Variants in KLHL6 observed in about 807,000 individuals in gnomAD.
KLHL6 encodes kelch-like protein 6.
KLHL6 carries 41 observed loss-of-function variants against 58.6 expected under a neutral mutation model. The ratio of observed to expected loss-of-function variants is 0.70; its 90% CI spans 0.55 to 0.91. The LOEUF (loss-of-function observed/expected upper bound fraction) is 0.91, where lower values mean the gene tolerates loss of function less well. Ranked by LOEUF, KLHL6 falls within the 40% of genes least tolerant of loss-of-function variation. The pLI is 0.00. For missense variants in KLHL6, 714 were observed against 805.6 expected (o/e 0.89, Z 1.38); for synonymous variants, 338 against 322.7 (o/e 1.05, Z -0.51).
Position 183,512,307 on chromosome 3 carries a change from G to A in KLHL6, c.460-3799C>T, listed in dbSNP as rs188121230. ...TTTCTAGGAACTTAGACTACTCTGG[G>A]AGGCCACATAAGACCTGATAACAGT... On this transcript the variant is annotated intron_variant, in intron 2 of 6. Coordinates refer to ENST00000341319, the MANE Select transcript of KLHL6 (RefSeq NM_130446.4). Among the ~76,000 whole-genome samples, 946 of 152,302 alleles carry A rather than the reference G, an allele frequency of 6.2e-3. 3 individuals are homozygous for A. Among genetic ancestry groups the A allele is most frequent in the Non-Finnish European group, 9.9e-3 (673 of 68,028 alleles).
intron 2 of KLHL6, among the ~76,000 whole-genome samples, chr3:183,516,777 T>C (rs1401242741): frequency 1.3e-5 from 2 of 152,248 alleles, no homozygotes; most frequent in Non-Finnish European, 2.9e-5. Context: ...CCAAGTGGCT[T>C]TGGCGTTATT....
At chr3:183,503,075 A>T (rs1393605890) in intron 3 of KLHL6, among the ~76,000 whole-genome samples, 1 of 152,248 alleles carries the variant, frequency 6.6e-6, no homozygotes, top group African/African-American at 2.4e-5. Context: ...TTGCAGACAT[A>T]TGGAAGTGTT....
chr3:183,514,152 T>C (rs924109108), intron 2 of KLHL6, among the ~76,000 whole-genome samples: 30 of 152,340 alleles, frequency 2.0e-4, no homozygotes, highest in Admixed American at 1.6e-3. Flanking sequence ...CCTGCGCTCA[T>C]TGAAGCCGAC....
intron 1 of KLHL6, among the ~76,000 whole-genome samples, chr3:183,534,950 A>ATATT (rs1356557331): frequency 3.1e-5 from 3 of 96,756 alleles, no homozygotes; most frequent in African/African-American, 6.1e-5. Flanking sequence ...ATATATATAT[A>ATATT]TTTTTTTTTT....
intron 1 of KLHL6, among the ~76,000 whole-genome samples, chr3:183,533,561 G>A (rs975502080): frequency 7.2e-5 from 11 of 151,910 alleles, no homozygotes; most frequent in African/African-American, 2.7e-4. Context: ...ATGAGCCTCC[G>A]TGCCTGGCCA....
intron 4 of KLHL6, among the ~76,000 whole-genome samples, chr3:183,498,607 T>C (rs555549041): frequency 1.3e-5 from 2 of 152,236 alleles, no homozygotes; most frequent in East Asian, 3.9e-4. Context: ...CCTTGCAGAG[T>C]TGATGTGAGA....
In KLHL6 at chr3:183,527,846, TG is replaced by T; in HGVS notation, c.457del (p.Gln153SerfsTer17). 6.2e-7 allele frequency: 1 copy of T among 1,613,908 alleles called. No individual in the cohort carries two copies. The highest frequency in any genetic ancestry group is 1.3e-5 in the African/African-American group (1 of 74,988). The part of the protein sequence containing the change: ...QRVLEAANLF[Q>X]FLRMVDACAS... ...CACTGAGCCAGTTTGTTCACACACC[TG>T]GAAGAGGTTAGCAGCCTCCAGGACC... On this transcript the variant is annotated frameshift_variant and splice_region_variant, in exon 2 of 7. Transcript: ENST00000341319. LOFTEE classifies it high-confidence loss of function.
intron 1 of KLHL6, among the ~76,000 whole-genome samples, chr3:183,530,478 G>A (rs908914528): frequency 9.2e-5 from 14 of 152,308 alleles, no homozygotes; most frequent in Admixed American, 4.6e-4. Flanking sequence ...CTGCGGATAC[G>A]TCTGAGCAAA....
intron 1 of KLHL6, among the ~76,000 whole-genome samples, chr3:183,552,985 A>G (rs760421848): frequency 7.2e-5 from 11 of 152,138 alleles, no homozygotes; most frequent in Non-Finnish European, 1.5e-4. Context: ...GGACTAGAGT[A>G]TGTGATACAG....
intron 1 of KLHL6, among the ~76,000 whole-genome samples, chr3:183,528,820 T>C (rs1712063292): frequency 6.6e-6 from 1 of 152,184 alleles, no homozygotes; most frequent in African/African-American, 2.4e-5. Context: ...CAAAGGACTA[T>C]AAATCATTCT....
Position 183,487,824 on chromosome 3 carries a change from G to T in KLHL6, c.*4103C>A, listed in dbSNP as rs1288947873. 3 of 152,156 alleles carry T rather than the reference G, an allele frequency of 2.0e-5. No individual in the cohort carries two copies. The highest frequency in any genetic ancestry group is 4.4e-5 in the Non-Finnish European group (3 of 68,030). 9.4% of individuals were successfully genotyped at this position (152,156 alleles called of 1,614,324 possible). A position where few individuals can be genotyped will look rare whatever the true frequency, so the allele number is the denominator to read the frequency against. The stretch of plus-strand genomic sequence containing the variant: ...TTATGAGATCTAATACAACACCCAG[G>T]TATTAAGGGAAAAAATGATTTTGCA... On this transcript the variant is annotated 3_prime_UTR_variant, in exon 7 of 7. Coordinates refer to ENST00000341319, the MANE Select transcript of KLHL6 (RefSeq NM_130446.4).
chr3:183,509,704 G>A lies in KLHL6; in HGVS notation c.460-1196C>T, dbSNP rs192064661. Among the ~76,000 whole-genome samples, 4 of 152,290 alleles carry A rather than the reference G, an allele frequency of 2.6e-5. 1 individual carries two copies. The highest frequency in any genetic ancestry group is 7.2e-5 in the African/African-American group (3 of 41,564). ...GCAGAACCACACAGAGGCTTTTAAA[G>A]CTTCTGCTCAGAGGGGGCGCATGCT... On this transcript the variant is annotated intron_variant, in intron 2 of 6. Transcript: ENST00000341319.
intron 1 of KLHL6, among the ~76,000 whole-genome samples, chr3:183,536,948 A>C (rs1229977025): frequency 6.6e-6 from 1 of 152,142 alleles, no homozygotes; most frequent in Non-Finnish European, 1.5e-5. Flanking sequence ...AAGTGCCCTC[A>C]AGACAGTGTC....
chr3:183,544,760 A>G lies in KLHL6; in HGVS notation c.293+10601T>C, dbSNP rs1320222416. On this transcript the variant is annotated intron_variant, in intron 1 of 6. Transcript: ENST00000341319. ...CTCTCTGTCTCTCAAACACACACAC[A>G]CACACACACACACACACACACACAC... is the stretch of plus-strand genomic sequence containing the variant. 2.0e-5 allele frequency: 3 copies of G among 148,562 alleles called. No individual in the cohort carries two copies. In the Admixed American group the frequency reaches 2.0e-4, roughly 10 times the overall value. The allele number at this position is 148,562 out of a possible 1,614,324, so 9.2% of individuals were successfully genotyped here. A position where few individuals can be genotyped will look rare whatever the true frequency, so the allele number is the denominator to read the frequency against.
intron 1 of KLHL6, among the ~76,000 whole-genome samples, chr3:183,541,419 G>A (rs1334585085): frequency 2.0e-5 from 3 of 152,190 alleles, no homozygotes; most frequent in African/African-American, 7.2e-5. Flanking sequence ...GAGTGCACAG[G>A]CCAGGCTTGA....
chr3:183,533,761 C>G (rs367786084), intron 1 of KLHL6, among the ~76,000 whole-genome samples: 2 of 152,082 alleles, frequency 1.3e-5, no homozygotes, highest in Admixed American at 6.5e-5. Context: ...GATCGTCCCC[C>G]CTCTGTCCTT....
At chr3:183,509,288 C>A (rs7639910) in intron 2 of KLHL6, among the ~76,000 whole-genome samples, 11,576 of 152,066 alleles carry the variant, frequency 0.076, 1,195 homozygotes, top group African/African-American at 0.22. Flanking sequence ...TTTTAGGTGC[C>A]ATAATGGTTT....
intron 1 of KLHL6, among the ~76,000 whole-genome samples, chr3:183,551,481 G>C (rs1712914542): frequency 1.3e-5 from 2 of 152,196 alleles, no homozygotes; most frequent in African/African-American, 4.8e-5. Context: ...CTTCAGGAAA[G>C]ACAAAAGGTT....
chr3:183,499,959 C>T lies in KLHL6; in HGVS notation c.910-132G>A. ...GACCATGTGACTTCACCTCCCTGAG[C>T]CTCAGTTTCATCATCTGTATAATCG... On this transcript the variant is annotated intron_variant, in intron 3 of 6. Coordinates refer to ENST00000341319, the MANE Select transcript of KLHL6 (RefSeq NM_130446.4). This position sits in a 1 kb window ranked among gnomAD's most constrained non-coding sequence, Gnocchi z 4.6. 1 of 611,548 alleles carries T rather than the reference C, an allele frequency of 1.6e-6. No individual in the cohort carries two copies. The highest frequency in any genetic ancestry group is 2.3e-5 in the South Asian group (1 of 44,178). The allele number at this position is 611,548 out of a possible 1,614,324, so 37.9% of individuals were successfully genotyped here.
Sources: gnomAD v4.1 joint callset for allele counts (sites outside exome capture counted in the v4.1 genomes callset) on GRCh38, gnomAD v4.1.1 for gene constraint, Gnocchi (gnomAD v3.1) non-coding constraint, MANE v1.5 for transcripts, NCBI Gene and HGNC (gene_info 2026-07-23, HGNC 2026-07-21) for gene names.